The following CPVL variants were observed in gnomAD, a reference collection of about 807,000 sequenced individuals.
CPVL encodes probable serine carboxypeptidase CPVL.
Under a neutral mutation model 63.7 loss-of-function variants are expected in CPVL, and 51 were observed. That is an observed-to-expected ratio of 0.80 (90% CI 0.64 to 1.01). The LOEUF (loss-of-function observed/expected upper bound fraction) is 1.01, where lower values mean the gene tolerates loss of function less well. Ranked by LOEUF, CPVL falls within the 50% of genes least tolerant of loss-of-function variation. CPVL has a pLI of 0.00. For missense variants in CPVL, 530 were observed against 573.1 expected (o/e 0.92, Z 0.77); for synonymous variants, 195 against 206.0 (o/e 0.95, Z 0.46).
At chr7:29,129,947 C>G (rs1204286527) in intron 1 of CPVL, among the ~76,000 whole-genome samples, 1 of 152,102 alleles carries the variant, frequency 6.6e-6, no homozygotes, top group East Asian at 1.9e-4. Context: ...AGCCAAGAAG[C>G]CCAGGATTGC....
At chr7:29,183,103 A>G (rs1255372397) in intron 4 of CPVL, among the ~76,000 whole-genome samples, 1 of 92,954 alleles carries the variant, frequency 1.1e-5, no homozygotes, top group Non-Finnish European at 2.1e-5. Context: ...TTTTTTTTTG[A>G]AACGGAGTTT....
At chr7:29,139,582 C>T (rs568746866) in intron 1 of CPVL, among the ~76,000 whole-genome samples, 3 of 152,284 alleles carry the variant, frequency 2.0e-5, no homozygotes, top group East Asian at 1.9e-4. Flanking sequence ...TTTTTAAGCA[C>T]AGATTTTTTA....
intron 5 of CPVL, among the ~76,000 whole-genome samples, chr7:29,157,215 A>G (rs560939300): frequency 6.6e-6 from 1 of 151,764 alleles, no homozygotes; most frequent in Non-Finnish European, 1.5e-5. Context: ...AGCTACCCAC[A>G]CCTCTGAGTG....
At chr7:29,092,049 A>ACTTGC (rs1309220915) in intron 6 of CPVL, among the ~76,000 whole-genome samples, 1 of 152,188 alleles carries the variant, frequency 6.6e-6, no homozygotes, top group African/African-American at 2.4e-5. Context: ...TAGACTGGAA[A>ACTTGC]AATCTGACCA....
intron 3 of CPVL, among the ~76,000 whole-genome samples, chr7:29,104,218 T>G (rs1306433406): frequency 6.6e-6 from 1 of 152,236 alleles, no homozygotes; most frequent in African/African-American, 2.4e-5. Context: ...CTATGACTGC[T>G]GCCATGGCAC....
At chr7:29,094,716 A>C (rs1362170057) in intron 5 of CPVL, among the ~76,000 whole-genome samples, 2 of 151,990 alleles carry the variant, frequency 1.3e-5, no homozygotes, top group African/African-American at 4.8e-5. Flanking sequence ...TACAAAAATC[A>C]GCCAGGTGTG....
At chr7:29,042,774 A>T (rs1584078027) in intron 11 of CPVL, among the ~76,000 whole-genome samples, 1 of 152,354 alleles carries the variant, frequency 6.6e-6, no homozygotes, top group African/African-American at 2.4e-5. Context: ...CCCGAATGCC[A>T]GCAGAGAGCA....
chr7:29,098,566 A>C (rs1211951755), intron 3 of CPVL, among the ~76,000 whole-genome samples: 2 of 152,230 alleles, frequency 1.3e-5, no homozygotes, highest in East Asian at 3.8e-4. Context: ...AACAGGTAGA[A>C]ATGGTAGAAG....
intron 4 of CPVL, 141 bp from the exon 5 acceptor site, chr7:29,095,283 G>C: frequency 1.5e-6 from 1 of 674,718 alleles, no homozygotes; most frequent in Non-Finnish European, 2.7e-6. Context: ...CACTCTCATG[G>C]TGGGGAACAG....
rs35400604 is a variant in CPVL at position 29,006,656 on chromosome 7, C to T, written c.1321-10774G>A. Among the ~76,000 whole-genome samples, 5 of 152,186 alleles carry T rather than the reference C, an allele frequency of 3.3e-5. No homozygotes were observed. The East Asian group carries it at 7.7e-4, about 23-fold the overall frequency. ...TATCTGGATTCAACTATGTTCTCGA[C>T]TCACAGCCTAAGGGAACCCCAGAAC... is the stretch of plus-strand genomic sequence containing the variant. On this transcript the variant is annotated intron_variant, in intron 12 of 12. Coordinates refer to ENST00000265394, the MANE Select transcript of CPVL (RefSeq NM_031311.5).
intron 5 of CPVL, among the ~76,000 whole-genome samples, chr7:29,094,210 G>A (rs778401035): frequency 3.9e-5 from 6 of 151,908 alleles, no homozygotes; most frequent in Non-Finnish European, 5.9e-5. Flanking sequence ...GCATGGTGGC[G>A]CAAGTCTGTA....
At chr7:29,027,752 C>T (rs1307019151) in intron 12 of CPVL, among the ~76,000 whole-genome samples, 2 of 151,968 alleles carry the variant, frequency 1.3e-5, no homozygotes, top group East Asian at 3.8e-4. Flanking sequence ...AAATAAATAA[C>T]CTTAAAATAG....
intron 6 of CPVL, among the ~76,000 whole-genome samples, chr7:29,090,141 G>A (rs1163527993): frequency 1.3e-5 from 2 of 152,180 alleles, no homozygotes; most frequent in African/African-American, 2.4e-5. Flanking sequence ...GGGATTACAG[G>A]TGTGAGCCAC....
intron 7 of CPVL, among the ~76,000 whole-genome samples, chr7:29,075,049 G>T (rs1784107729): frequency 1.3e-5 from 2 of 152,028 alleles, no homozygotes; most frequent in African/African-American, 4.8e-5. Context: ...TGGTACAAAT[G>T]CCAAAAAGTT....
Position 28,996,983 on chromosome 7 carries a change from C to T in CPVL, c.1321-1101G>A, listed in dbSNP as rs141109828. Among the ~76,000 whole-genome samples, 927 of 152,296 alleles carry T rather than the reference C, an allele frequency of 6.1e-3. 13 individuals are homozygous for T. The highest frequency in any genetic ancestry group is 0.021 in the African/African-American group (870 of 41,556). ...TGACAAATGCAGACACCTACGTAAC[C>T]CAAGCCCTTGTTGGGTGATATAAAG... On this transcript the variant is annotated intron_variant, in intron 12 of 12. Coordinates refer to ENST00000265394, the MANE Select transcript of CPVL (RefSeq NM_031311.5).
chr7:29,150,310 G>C (rs949286964), upstream of CPVL, among the ~76,000 whole-genome samples: 29 of 152,186 alleles, frequency 1.9e-4, no homozygotes, highest in Non-Finnish European at 2.4e-4. Context: ...TCAAGAGGAA[G>C]AAATAAGATA....
intron 11 of CPVL, among the ~76,000 whole-genome samples, chr7:29,035,536 G>A (rs559428867): frequency 2.8e-4 from 43 of 152,294 alleles, no homozygotes; most frequent in African/African-American, 9.1e-4. Flanking sequence ...TTGGCTCTAT[G>A]GACAGGATGT....
intron 1 of CPVL, among the ~76,000 whole-genome samples, chr7:29,142,524 G>C (rs576218151): frequency 8.9e-5 from 7 of 78,788 alleles, no homozygotes; most frequent in Admixed American, 5.4e-4. Context: ...ATGACTTCCA[G>C]ATACTTTTTT....
At chr7:29,066,330 C>T (rs1269140066) in intron 9 of CPVL, among the ~76,000 whole-genome samples, 3 of 152,168 alleles carry the variant, frequency 2.0e-5, no homozygotes, top group African/African-American at 7.2e-5. Flanking sequence ...ATGGTCCTCC[C>T]CCATGGAGCT....
Sources: gnomAD v4.1 joint callset for allele counts (sites outside exome capture counted in the v4.1 genomes callset) on GRCh38, gnomAD v4.1.1 for gene constraint, MANE v1.5 for transcripts, NCBI Gene and HGNC (gene_info 2026-07-23, HGNC 2026-07-21) for gene names.